Variants in EML1 observed in about 807,000 individuals in gnomAD.
EML1 encodes the protein EMAP like 1.
EML1 carries 27 observed loss-of-function variants against 110.4 expected under a neutral mutation model. That is an observed-to-expected ratio of 0.24 (90% confidence interval 0.18 to 0.34). The LOEUF (loss-of-function observed/expected upper bound fraction) is 0.34. Ranked by LOEUF, EML1 falls within the 10% of genes least tolerant of loss-of-function variation. The probability of loss-of-function intolerance (pLI) is 1.00; values close to 1 mark genes in which losing one functional copy is unlikely to be tolerated. For missense variants in EML1, 741 were observed against 1,030.9 expected, an observed-to-expected ratio of 0.72 and a Z score of 3.85; for synonymous variants, 344 against 385.8, an observed-to-expected ratio of 0.89 and a Z score of 1.27.
chr14:99,792,107 A>G (rs10140193), upstream of EML1, among the ~76,000 whole-genome samples: 18,372 of 152,220 alleles, frequency 0.12, 2,026 homozygotes, highest in African/African-American at 0.29. Flanking sequence ...TAACCCATGC[A>G]CTAACCGTGC....
At chr14:99,881,782 G>A (rs1248153722) in intron 4 of EML1, among the ~76,000 whole-genome samples, 1 of 151,940 alleles carries the variant, frequency 6.6e-6, no homozygotes, top group Non-Finnish European at 1.5e-5. Flanking sequence ...TATATTTTTA[G>A]TAGAGACGGG....
chr14:99,795,180 C>G (rs1036361583), intron 1 of EML1, among the ~76,000 whole-genome samples: 4 of 152,126 alleles, frequency 2.6e-5, no homozygotes, highest in Admixed American at 1.3e-4. Context: ...TGTTTGGGGC[C>G]TGGTCATACT....
chr14:99,850,273 CGAA>C (rs2058773407), intron 1 of EML1: 1 of 1,287,238 alleles, frequency 7.8e-7, no homozygotes, highest in Non-Finnish European at 1.0e-6. Flanking sequence ...ATTGGAGAGG[CGAA>C]GAAGATCACG....
intron 3 of EML1, among the ~76,000 whole-genome samples, chr14:99,874,358 A>T (rs1345997138): frequency 6.6e-6 from 1 of 152,254 alleles, no homozygotes; most frequent in African/African-American, 2.4e-5. Flanking sequence ...ATGCATTTCT[A>T]TACAAAAAAT....
At chr14:99,833,469 C>G (rs1210994810) in intron 1 of EML1, among the ~76,000 whole-genome samples, 2 of 152,140 alleles carry the variant, frequency 1.3e-5, no homozygotes, top group Non-Finnish European at 2.9e-5. Flanking sequence ...CTAGGTTCTT[C>G]ACATTTCCAT....
chr14:99,851,174 A>G, intron 2 of EML1, 139 bp downstream of exon 2: 2 of 916,290 alleles, frequency 2.2e-6, no homozygotes, highest in East Asian at 2.7e-5. Flanking sequence ...AGCACTGTCA[A>G]CATAATCACA....
At chr14:99,862,537 T>C (rs2059019025) in intron 2 of EML1, among the ~76,000 whole-genome samples, 1 of 152,226 alleles carries the variant, frequency 6.6e-6, no homozygotes, top group South Asian at 2.1e-4. Flanking sequence ...CCCAATCATT[T>C]ATTTATATAT....
intron 1 of EML1, among the ~76,000 whole-genome samples, chr14:99,786,887 T>TG (rs2057606654): frequency 6.6e-6 from 1 of 152,160 alleles, no homozygotes; most frequent in Admixed American, 6.5e-5. Context: ...AGGCTACTGT[T>TG]GCAATGTTCC....
At chr14:99,770,779 A>ATTTTTTTTTTTTTTTTTTTTTTTTTTTTT (rs34744469), upstream of EML1, among the ~76,000 whole-genome samples, 39 of 91,634 alleles carry the variant, frequency 4.3e-4, 6 homozygotes, top group African/African-American at 1.0e-3. Context: ...GTTTCCGCTG[A>ATTTTTTTTTTTTTTTTTTTTTTTTTTTTT]TTTTTTTTTT....
chr14:99,785,527 A>T (rs947646420), intron 1 of EML1, among the ~76,000 whole-genome samples: 1 of 152,224 alleles, frequency 6.6e-6, no homozygotes, highest in Non-Finnish European at 1.5e-5. Context: ...GCCAGATGGG[A>T]GTCGCAGAAA....
In EML1 at chr14:99,911,519, G is replaced by C; in HGVS notation, c.1437G>C (p.Gly479=). 1.2e-6 allele frequency: 2 copies of C among 1,612,602 alleles called. No homozygotes were observed. Among genetic ancestry groups the C allele is most frequent in the Non-Finnish European group, 8.5e-7 (1 of 1,179,696 alleles). Residue 479 remains glycine (G), a synonymous_variant, in exon 13 of 22, where the codon GGG becomes GGC. Transcript: ENST00000262233. ...LRDGTLVSGG[G]KDRKLISWSG... is the part of the protein sequence containing the mutation. ...ATGGCACACTGGTGTCGGGAGGTGG[G>C]AAAGACCGAAAGCTCATTTCTTGGA...
intron 1 of EML1, among the ~76,000 whole-genome samples, chr14:99,830,864 A>T (rs2058438874): frequency 6.6e-6 from 1 of 152,116 alleles, no homozygotes; most frequent in Non-Finnish European, 1.5e-5. Flanking sequence ...ATTAAACTTC[A>T]AATAGTACTC....
intron 5 of EML1, among the ~76,000 whole-genome samples, chr14:99,893,401 C>T (rs976950620): frequency 1.3e-5 from 2 of 152,080 alleles, no homozygotes; most frequent in African/African-American, 4.8e-5. Context: ...AGGGGAGGAT[C>T]CATGGGACGC....
intron 17 of EML1, among the ~76,000 whole-genome samples, chr14:99,926,172 T>C (rs952330547): frequency 2.6e-5 from 4 of 152,222 alleles, no homozygotes; most frequent in African/African-American, 7.2e-5. Context: ...GAAATGGTTG[T>C]TTTTGTCAGT....
chr14:99,754,894 G>A (rs141076212), intron 1 of EML1, among the ~76,000 whole-genome samples: 131 of 152,366 alleles, frequency 8.6e-4, no homozygotes, highest in African/African-American at 3.1e-3. Flanking sequence ...ATGATCCGGA[G>A]ACAGCAGGCA....
chr14:99,768,918 A>G (rs2057394584), upstream of EML1, among the ~76,000 whole-genome samples: 1 of 152,000 alleles, frequency 6.6e-6, no homozygotes, highest in South Asian at 2.1e-4. Context: ...GTGTTTTACC[A>G]TGTTGGCCAT....
chr14:99,900,810 A>T (rs1228929066), intron 8 of EML1, 119 bp from the exon 9 acceptor site: 1 of 815,364 alleles, frequency 1.2e-6, no homozygotes, highest in African/African-American at 1.7e-5. Context: ...GAAATGCAGA[A>T]AAAGATCTTT....
intron 4 of EML1, among the ~76,000 whole-genome samples, chr14:99,887,880 A>G (rs1191104): frequency 0.49 from 74,876 of 152,072 alleles, 20,592 homozygotes; most frequent in East Asian, 0.87. Context: ...TTGCCTTTCT[A>G]TCAGTTGTTC....
intron 1 of EML1, among the ~76,000 whole-genome samples, chr14:99,749,917 C>T (rs930307628): frequency 4.6e-5 from 7 of 152,240 alleles, no homozygotes; most frequent in Middle Eastern, 3.2e-3. Context: ...GGCTGCTCCC[C>T]GATGGGGTGA....
Sources: allele counts gnomAD v4.1 joint callset (sites outside exome capture counted in the v4.1 genomes callset), GRCh38; gene constraint gnomAD v4.1.1; transcripts MANE v1.5; gene names NCBI Gene and HGNC (gene_info 2026-07-23, HGNC 2026-07-21).